The following PTDSS2 variants were observed in gnomAD, a reference collection of about 807,000 sequenced individuals.
PTDSS2 encodes the protein phosphatidylserine synthase 2.
In PTDSS2, 41 loss-of-function variants were observed where a neutral mutation model predicts 64.7. The observed-to-expected ratio is 0.63, with a 90% CI of 0.49 to 0.82. The LOEUF is 0.82. PTDSS2 is among the 40% of genes least tolerant of loss of function. The pLI, the probability that PTDSS2 is intolerant of heterozygous loss-of-function variation, is 0.00. For missense variants in PTDSS2, 485 were observed against 650.0 expected, an observed-to-expected ratio of 0.75 and a Z score of 2.76; for synonymous variants, 297 against 277.8, an observed-to-expected ratio of 1.07 and a Z score of -0.69.
In PTDSS2 at chr11:470,962, A is replaced by G. The variant is rs1847398693; in HGVS notation, c.285-2933A>G. ...AGATATGGGAGCTTTTACTATTTTT[A>G]CAATAATTCTGTAAATCTAAAACCA... is the stretch of plus-strand genomic sequence containing the variant. On this transcript the variant is annotated intron_variant, in intron 2 of 11. Coordinates refer to ENST00000308020, the MANE Select transcript of PTDSS2 (RefSeq NM_030783.3). This position sits in a 1 kb window ranked among gnomAD's most constrained non-coding sequence, Gnocchi z 5.3. Among the ~76,000 whole-genome samples, 1 of 152,178 alleles carries G rather than the reference A, an allele frequency of 6.6e-6. No homozygotes were observed. Among genetic ancestry groups the G allele is most frequent in the African/African-American group, 2.4e-5 (1 of 41,440 alleles).
At chr11:487,541 G>A in intron 6 of PTDSS2, 71 bp downstream of exon 6, 1 of 1,422,388 alleles carries the variant, frequency 7.0e-7, no homozygotes, top group South Asian at 1.1e-5. Flanking sequence ...GACCGTTTCT[G>A]TCCATGGAGT....
Position 488,652 on chromosome 11 carries a change from G to A in PTDSS2, c.854+5G>A, listed in dbSNP as rs1848516506. The A allele has an allele frequency of 2.5e-6, 4 of 1,605,060 alleles. No homozygotes were observed. Among genetic ancestry groups the A allele is most frequent in the South Asian group, 2.2e-5 (2 of 90,892 alleles). On this transcript the variant is annotated splice_donor_5th_base_variant and intron_variant, in intron 8 of 11. Coordinates refer to ENST00000308020, the MANE Select transcript of PTDSS2 (RefSeq NM_030783.3). Reference sequence around the variant, plus strand: ...CTGGAACATTCCGACCTACAAGTACGTCGTGGGGGCTGCGAGGGCAGGGCC... The same window carrying A: ...CTGGAACATTCCGACCTACAAGTACATCGTGGGGGCTGCGAGGGCAGGGCC...
At chr11:451,204 G>GT in intron 1 of PTDSS2, 1 of 249,260 alleles carries the variant, frequency 4.0e-6, no homozygotes, top group Non-Finnish European at 8.6e-6. Context: ...TCTCTCCTCA[G>GT]TTGCCCCTAG....
At chr11:454,801 A>G (rs932556874) in intron 1 of PTDSS2, among the ~76,000 whole-genome samples, 1 of 152,224 alleles carries the variant, frequency 6.6e-6, no homozygotes. Flanking sequence ...AAAGAAAAAA[A>G]GAAGTCAAGT....
chr11:490,105 G>A, intron 11 of PTDSS2, 37 bp downstream of exon 11: 1 of 1,566,554 alleles, frequency 6.4e-7, no homozygotes, highest in Non-Finnish European at 8.6e-7. Context: ...CTGAAGGAGG[G>A]CCGCTGTCCG....
chr11:488,272 A>G lies in PTDSS2; in HGVS notation c.695A>G (p.Glu232Gly), dbSNP rs908582716. The change falls in exon 7 of 12, where the codon GAG (glutamate) becomes GGG (glycine). Residue 232 changes from glutamate (E) to glycine (G), a missense_variant. Coordinates refer to ENST00000308020, the MANE Select transcript of PTDSS2 (RefSeq NM_030783.3). ...TTCGAGTTCCTGGAGTACAGCCTGG[A>G]GCACCAGCTGCCCAACTTCAGCGAG... ...VMFEFLEYSL[E>G]HQLPNFSECW... 155 of 1,613,332 alleles carry G rather than the reference A, an allele frequency of 9.6e-5. No individual in the cohort carries two copies. Among genetic ancestry groups the G allele is most frequent in the Non-Finnish European group, 1.3e-4 (154 of 1,179,924 alleles).
chr11:488,741 C>T (rs913440728), intron 8 of PTDSS2, 94 bp downstream of exon 8: 19 of 908,646 alleles, frequency 2.1e-5, no homozygotes, highest in Middle Eastern at 2.2e-4. Context: ...GCACCAGGCC[C>T]GTCCAGTGTG....
At chr11:473,613 GAGGCAAA>G (rs1847582127) in intron 2 of PTDSS2, among the ~76,000 whole-genome samples, 1 of 152,228 alleles carries the variant, frequency 6.6e-6, no homozygotes, top group African/African-American at 2.4e-5. Context: ...TGCCGCGGAG[GAGGCAAA>G]TGTGAGCGCG....
intron 2 of PTDSS2, among the ~76,000 whole-genome samples, chr11:471,097 C>CTTT (rs36051705): frequency 7.7e-6 from 1 of 129,300 alleles, no homozygotes; most frequent in Non-Finnish European, 1.6e-5. Flanking sequence ...TTAAGTAATT[C>CTTT]TTTTTTTTTT....
intron 1 of PTDSS2, among the ~76,000 whole-genome samples, chr11:451,979 C>T (rs1357017195): frequency 6.6e-6 from 1 of 152,194 alleles, no homozygotes; most frequent in African/African-American, 2.4e-5. Context: ...GCCCTGTGGA[C>T]ATCAGGCCTC....
intron 1 of PTDSS2, among the ~76,000 whole-genome samples, chr11:458,333 T>C: frequency 6.7e-6 from 1 of 149,646 alleles, no homozygotes; most frequent in Non-Finnish European, 1.5e-5. Flanking sequence ...GCCTCCCGAG[T>C]AGCTGGGACT....
intron 1 of PTDSS2, among the ~76,000 whole-genome samples, chr11:456,325 C>T (rs1358612213): frequency 6.6e-6 from 1 of 150,944 alleles, no homozygotes; most frequent in Non-Finnish European, 1.5e-5. Flanking sequence ...CAGACATGCG[C>T]CACCACATCC....
rs767215910 is a variant in PTDSS2, at chr11:461,998, C to T, written c.284+1710C>T. Among the ~76,000 whole-genome samples the T allele has an allele frequency of 5.9e-5, 9 of 152,152 alleles. No individual in the cohort carries two copies. The highest frequency in any genetic ancestry group is 9.7e-5 in the African/African-American group (4 of 41,428). ...GGCTAGGAGGGTCTGTGGCATCTGC[C>T]GGGCACAGCAGGGTAGGTGGATTAG... On this transcript the variant is annotated intron_variant, in intron 2 of 11. Transcript: ENST00000308020. The surrounding 1 kb of genome is among the most constrained non-coding windows in gnomAD (Gnocchi z 4.2).
At chr11:478,007 C>A (rs1276009666) in intron 3 of PTDSS2, among the ~76,000 whole-genome samples, 1 of 152,202 alleles carries the variant, frequency 6.6e-6, no homozygotes, top group Non-Finnish European at 1.5e-5. Context: ...CCCCTGAGTA[C>A]GTCGGGGCCT....
At position 488,231 on chromosome 11, in the gene PTDSS2, G is replaced by C. The variant is rs1373981753; in HGVS notation, c.654G>C (p.Met218Ile). The C allele has an allele frequency of 4.3e-6, 7 of 1,613,520 alleles. 1 individual carries two copies. Among genetic ancestry groups the C allele is most frequent in the South Asian group, 2.2e-5 (2 of 91,086 alleles). ...TGATCCGAGACTGGTGGATGTGCAT[G>C]ATCATCAGCGTGATGTTCGAGTTCC... ...TLMIRDWWMCMIISVMFEFLE... is the reference protein window; with the variant it reads ...TLMIRDWWMCIIISVMFEFLE... Residue 218 changes from methionine (M) to isoleucine (I), a missense_variant, in exon 7 of 12, where the codon ATG (methionine) becomes ATC (isoleucine). Coordinates refer to ENST00000308020, the MANE Select transcript of PTDSS2 (RefSeq NM_030783.3).
At chr11:468,772 GTC>G (rs1227649841) in intron 2 of PTDSS2, among the ~76,000 whole-genome samples, 6 of 151,328 alleles carry the variant, frequency 4.0e-5, no homozygotes, top group Non-Finnish European at 8.9e-5. Flanking sequence ...GAGGAGGGGA[GTC>G]TCTGGGTAAT....
Position 460,234 on chromosome 11 carries a change from G to C in PTDSS2, c.230G>C (p.Gly77Ala). Residue 77 changes from glycine (G) to alanine (A), a missense_variant, in exon 2 of 12, where the codon GGC becomes GCC. Transcript: ENST00000308020. The surrounding 1 kb of genome is among the most constrained non-coding windows in gnomAD (Gnocchi z 5.8). ...CTCTTCATCCTCACCTGTACGCTTG[G>C]CTATGTGACGCTGCTGGAGGAAACA... ...TVLFILTCTL[G>A]YVTLLEETPQ... The C allele has an allele frequency of 6.2e-7, 1 of 1,614,186 alleles. No homozygotes were observed. Among genetic ancestry groups the C allele is most frequent in the Non-Finnish European group, 8.5e-7 (1 of 1,180,030 alleles).
Position 461,509 on chromosome 11 carries a change from C to T in PTDSS2, c.284+1221C>T, listed in dbSNP as rs1221961368. 6.6e-6 allele frequency among the ~76,000 whole-genome samples: 1 copy of T among 152,182 alleles called. No homozygotes were observed. Among genetic ancestry groups the T allele is most frequent in the East Asian group, 1.9e-4 (1 of 5,174 alleles). On this transcript the variant is annotated intron_variant, in intron 2 of 11. Coordinates refer to ENST00000308020, the MANE Select transcript of PTDSS2 (RefSeq NM_030783.3). The surrounding 1 kb of genome is among the most constrained non-coding windows in gnomAD (Gnocchi z 4.2). The stretch of plus-strand genomic sequence containing the variant: ...CTGCTCCCCAGATGAGCTCACCCTC[C>T]ATCCTCACCTGGGAGGCGCAGGTGG...
intron 5 of PTDSS2, 96 bp downstream of exon 5, chr11:487,169 C>G: frequency 3.3e-6 from 4 of 1,220,070 alleles, no homozygotes; most frequent in Non-Finnish European, 4.7e-6. Context: ...CCCCTCAGCC[C>G]ACACTTGGGG....
Sources: allele counts gnomAD v4.1 joint callset (sites outside exome capture counted in the v4.1 genomes callset), GRCh38; gene constraint gnomAD v4.1.1; non-coding constraint Gnocchi (gnomAD v3.1); transcripts MANE v1.5; gene names NCBI Gene and HGNC (gene_info 2026-07-23, HGNC 2026-07-21).